SND1: variants seen among roughly 807,000 people sequenced by gnomAD.
SND1 encodes staphylococcal nuclease domain-containing protein 1.
In SND1, 38 loss-of-function variants were observed where a neutral mutation model predicts 121.7. That is an observed-to-expected ratio of 0.31 (90% CI 0.24 to 0.41). SND1 has a LOEUF of 0.41. SND1 is among the 10% of genes least tolerant of loss of function. The pLI, the probability that SND1 is intolerant of heterozygous loss-of-function variation, is 1.00. For synonymous variants in SND1, 401 were observed against 447.4 expected, an observed-to-expected ratio of 0.90 and a Z score of 1.31; for missense variants, 868 against 1,184.6, an observed-to-expected ratio of 0.73 and a Z score of 3.92.
chr7:127,731,274 C>T (rs1164783879), intron 10 of SND1, among the ~76,000 whole-genome samples: 1 of 152,248 alleles, frequency 6.6e-6, no homozygotes, highest in Non-Finnish European at 1.5e-5. Context: ...CAGACAGTTC[C>T]ATATGCTGGT....
intron 16 of SND1, among the ~76,000 whole-genome samples, chr7:128,012,646 G>C (rs1803141234): frequency 6.6e-6 from 1 of 152,040 alleles, no homozygotes; most frequent in Non-Finnish European, 1.5e-5. Flanking sequence ...ATTTTGCTCT[G>C]GCTGGTCAGC....
chr7:127,705,810 CTTGT>C (rs1214346816), intron 8 of SND1, among the ~76,000 whole-genome samples: 2 of 152,190 alleles, frequency 1.3e-5, no homozygotes, highest in Non-Finnish European at 2.9e-5. Flanking sequence ...TGCTGTATGA[CTTGT>C]TTCAGAATCT....
intron 12 of SND1, among the ~76,000 whole-genome samples, chr7:127,861,045 G>A (rs1021368410): frequency 2.6e-5 from 4 of 152,200 alleles, no homozygotes; most frequent in African/African-American, 9.7e-5. Context: ...AAGATTGGCT[G>A]TTTTATGCTG....
At chr7:127,697,834 C>G (rs1796033552) in intron 3 of SND1, among the ~76,000 whole-genome samples, 1 of 152,090 alleles carries the variant, frequency 6.6e-6, no homozygotes, top group African/African-American at 2.4e-5. Flanking sequence ...GTGTAGTGTG[C>G]CGAATGTAAA....
chr7:127,787,717 G>GT (rs1191507706), intron 10 of SND1, among the ~76,000 whole-genome samples: 1 of 152,088 alleles, frequency 6.6e-6, no homozygotes, highest in Non-Finnish European at 1.5e-5. Flanking sequence ...AACTTAATGA[G>GT]TAAGAGGCCT....
At chr7:127,754,968 C>T (rs1797167800) in intron 10 of SND1, among the ~76,000 whole-genome samples, 1 of 152,148 alleles carries the variant, frequency 6.6e-6, no homozygotes, top group Non-Finnish European at 1.5e-5. Flanking sequence ...TTCTTTTAGA[C>T]CTAAATAAAT....
chr7:127,811,023 A>G (rs1361252334), intron 11 of SND1, among the ~76,000 whole-genome samples: 1 of 152,238 alleles, frequency 6.6e-6, no homozygotes, highest in African/African-American at 2.4e-5. Flanking sequence ...CTGTTCTATC[A>G]TCAGAGACTG....
chr7:127,757,980 G>A (rs1183734523), intron 10 of SND1, among the ~76,000 whole-genome samples: 2 of 152,102 alleles, frequency 1.3e-5, no homozygotes, highest in East Asian at 3.8e-4. Flanking sequence ...TGCCATGCTG[G>A]AATATAAGTA....
intron 10 of SND1, among the ~76,000 whole-genome samples, chr7:127,766,768 T>A: frequency 6.3e-5 from 1 of 15,844 alleles, no homozygotes; most frequent in African/African-American, 1.6e-4. Context: ...CGAGACTTTG[T>A]CTCAAAAAAA....
At chr7:127,691,860 C>T (rs1223597316) in intron 2 of SND1, among the ~76,000 whole-genome samples, 3 of 151,350 alleles carry the variant, frequency 2.0e-5, no homozygotes, top group East Asian at 3.9e-4. Context: ...AACACCTGAC[C>T]TCAGGTGACC....
At chr7:127,930,201 G>T (rs1800932988) in intron 15 of SND1, among the ~76,000 whole-genome samples, 1 of 151,890 alleles carries the variant, frequency 6.6e-6, no homozygotes, top group Admixed American at 6.6e-5. Context: ...TCCCGCCGTG[G>T]TCCCCAGATG....
chr7:127,827,252 C>T (rs372052234), intron 11 of SND1, among the ~76,000 whole-genome samples: 15 of 152,208 alleles, frequency 9.9e-5, no homozygotes, highest in African/African-American at 3.6e-4. Flanking sequence ...TAATTTATCC[C>T]TTAAAAGCTC....
chr7:127,889,371 T>A (rs1467129864), intron 13 of SND1, among the ~76,000 whole-genome samples: 1 of 152,062 alleles, frequency 6.6e-6, no homozygotes, highest in Non-Finnish European at 1.5e-5. Flanking sequence ...TTAATTTTTT[T>A]AATTTTACTT....
intron 16 of SND1, among the ~76,000 whole-genome samples, chr7:128,056,799 G>A (rs1356253823): frequency 6.6e-6 from 1 of 152,080 alleles, no homozygotes; most frequent in African/African-American, 2.4e-5. Context: ...ACATATGCAT[G>A]CATATAATTT....
chr7:128,048,207 C>T (rs560036242), intron 16 of SND1, among the ~76,000 whole-genome samples: 1 of 152,052 alleles, frequency 6.6e-6, no homozygotes, highest in African/African-American at 2.4e-5. Context: ...TCTGGGAGAC[C>T]CTGAGACCAC....
At chr7:127,863,184 A>C (rs76806305) in intron 12 of SND1, among the ~76,000 whole-genome samples, 8,475 of 152,216 alleles carry the variant, frequency 0.056, 680 homozygotes, top group African/African-American at 0.17. Context: ...GGCACTATCT[A>C]AATGTAGTAA....
Position 128,084,763 on chromosome 7 carries a change from A to G in SND1, c.2150A>G (p.Asp717Gly). ...LEKLMENMRNDIASHPPVEGS... is the reference protein window; with the variant it reads ...LEKLMENMRNGIASHPPVEGS... ...AAGCTGATGGAGAACATGCGCAATG[A>G]CATTGCCAGTCACCCCCCTGTAGAG... Residue 717 changes from aspartate to glycine, a missense_variant, in exon 19 of 24, where the codon GAC becomes GGC. Asp to Gly is a moderately conservative substitution (Grantham distance 94). Coordinates refer to ENST00000354725, the MANE Select transcript of SND1 (RefSeq NM_014390.4). 1 of 1,610,438 alleles carries G rather than the reference A, an allele frequency of 6.2e-7. No individual in the cohort carries two copies. The highest frequency in any genetic ancestry group is 1.3e-5 in the African/African-American group (1 of 75,020).
chr7:127,807,413 A>G (rs567436316), intron 10 of SND1, 71 bp from the exon 11 acceptor site: 92 of 1,176,740 alleles, frequency 7.8e-5, no homozygotes, highest in South Asian at 1.0e-4. Context: ...ACACATTCCT[A>G]TATCTTGTGC....
intron 10 of SND1, among the ~76,000 whole-genome samples, chr7:127,747,230 G>C (rs904127699): frequency 6.6e-6 from 1 of 152,144 alleles, no homozygotes; most frequent in African/African-American, 2.4e-5. Context: ...TTATAGAGAC[G>C]CTGGTGTGCC....
Sources: allele counts gnomAD v4.1 joint callset (sites outside exome capture counted in the v4.1 genomes callset), GRCh38; gene constraint gnomAD v4.1.1; transcripts MANE v1.5; gene names NCBI Gene and HGNC (gene_info 2026-07-23, HGNC 2026-07-21).